Variants in ADPRHL1 observed in about 807,000 individuals in gnomAD.
ADPRHL1 encodes the protein ADP-ribosylhydrolase like 1.
In ADPRHL1, 43 loss-of-function variants were observed where a neutral mutation model predicts 44.1. The observed-to-expected ratio is 0.98, with a 90% CI of 0.76 to 1.26. ADPRHL1 has a LOEUF of 1.26. ADPRHL1 is among the 50% of genes most tolerant of loss of function. ADPRHL1 has a pLI of 0.00. For missense variants in ADPRHL1, 2,022 were observed against 2,496.9 expected (o/e 0.81, Z 4.05); for synonymous variants, 878 against 1,017.4 (o/e 0.86, Z 2.61).
chr13:113,412,701 C>A (rs1364826442), intron 7 of ADPRHL1, among the ~76,000 whole-genome samples: 1 of 151,206 alleles, frequency 6.6e-6, no homozygotes, highest in African/African-American at 2.4e-5. Flanking sequence ...CCACCGCCAA[C>A]AGTGCCCCGG....
chr13:113,407,862 G>A lies in ADPRHL1; in HGVS notation c.1420C>T (p.Leu474Phe), dbSNP rs964821941. The A allele has an allele frequency of 5.7e-6, 7 of 1,231,868 alleles. No homozygotes were observed. Among genetic ancestry groups the A allele is most frequent in the Non-Finnish European group, 7.1e-6 (7 of 988,024 alleles). The allele number at this position is 1,231,868 out of a possible 1,614,324, so 76.3% of individuals were successfully genotyped here. A position where few individuals can be genotyped will look rare whatever the true frequency, so the allele number is the denominator to read the frequency against. The change falls in exon 8 of 8, where the codon CTC becomes TTC. Residue 474 changes from leucine (L) to phenylalanine (F), a missense_variant. Physicochemically the swap from Leu to Phe is conservative, Grantham distance 22 (BLOSUM62 0). Transcript: ENST00000612156. ...GGLVGATINK[L>F]LEKTKEPAPK... ...GCCGGCTCCTTGGTCTTCTCCAGGA[G>A]CTTGTTGATGGTGGCACCCACGAGG...
At chr13:113,422,593 C>T (rs1001331278) in intron 7 of ADPRHL1, 5 of 588,556 alleles carry the variant, frequency 8.5e-6, no homozygotes, top group East Asian at 3.0e-5. Context: ...GGCAAATCTA[C>T]GCAGTGTCAA....
At chr13:113,419,558 C>T (rs1012163426) in intron 7 of ADPRHL1, among the ~76,000 whole-genome samples, 9 of 151,998 alleles carry the variant, frequency 5.9e-5, no homozygotes, top group Non-Finnish European at 7.4e-5. Context: ...AGCATCGCTG[C>T]GCTGTAGGGA....
At chr13:113,411,084 G>A (rs139591155) in intron 7 of ADPRHL1, among the ~76,000 whole-genome samples, 1 of 152,252 alleles carries the variant, frequency 6.6e-6, no homozygotes, top group Non-Finnish European at 1.5e-5. Context: ...CTGAATAAAG[G>A]CCACCAGGCT....
At chr13:113,451,985 C>A in intron 1 of ADPRHL1, among the ~76,000 whole-genome samples, 1 of 152,158 alleles carries the variant, frequency 6.6e-6, no homozygotes, top group East Asian at 1.9e-4. Flanking sequence ...TACAAAACGC[C>A]CACCAAGTGC....
chr13:113,411,026 G>A (rs1045282252), intron 7 of ADPRHL1, among the ~76,000 whole-genome samples: 1 of 152,168 alleles, frequency 6.6e-6, no homozygotes, highest in Non-Finnish European at 1.5e-5. Context: ...TGAGTCATTC[G>A]GATGACTGAA....
chr13:113,436,401 A>G (rs9796202), intron 2 of ADPRHL1, among the ~76,000 whole-genome samples: 5,452 of 7,906 alleles, frequency 0.69, 1,891 homozygotes, highest in Middle Eastern at 0.8. Context: ...CCCGGGACCC[A>G]GCACCCAGGT....
At chr13:113,411,136 G>A (rs928185014) in intron 7 of ADPRHL1, among the ~76,000 whole-genome samples, 6 of 152,108 alleles carry the variant, frequency 3.9e-5, no homozygotes, top group South Asian at 2.1e-4. Flanking sequence ...CACATCCCTC[G>A]CTGATGGCTT....
intron 2 of ADPRHL1, among the ~76,000 whole-genome samples, chr13:113,434,073 C>T (rs1002638342): frequency 5.9e-5 from 9 of 152,194 alleles, no homozygotes; most frequent in East Asian, 1.9e-4. Flanking sequence ...ATCCAAGTGT[C>T]GGGTGTTAGT....
In ADPRHL1 at chr13:113,405,970, G is replaced by C; in HGVS notation, c.3312C>G (p.Pro1104=). ...CCCCACAGGCTTTCATACCTGGTTT[G>C]GGTGGTTCATTTAATGAGGACAGTG... The part of the protein sequence containing the change: ...ENPLSSLNEP[P]KPGMKACGAM... The change falls in exon 8 of 8, where the codon CCC becomes CCG. Residue 1104 remains proline (P), a synonymous_variant. Coordinates refer to ENST00000612156, the MANE Select transcript of ADPRHL1 (RefSeq NM_001394807.1). 1.6e-6 allele frequency: 2 copies of C among 1,232,092 alleles called. No individual in the cohort carries two copies. Among genetic ancestry groups the C allele is most frequent in the Non-Finnish European group, 2.0e-6 (2 of 988,046 alleles). 76.3% of individuals were successfully genotyped at this position (1,232,092 alleles called of 1,614,324 possible).
chr13:113,410,800 G>A (rs1422627599), intron 7 of ADPRHL1, among the ~76,000 whole-genome samples: 1 of 152,216 alleles, frequency 6.6e-6, no homozygotes, highest in Non-Finnish European at 1.5e-5. Context: ...GACCAGCCTG[G>A]GGGCATTGTG....
chr13:113,424,996 C>T (rs2043957616), intron 5 of ADPRHL1, 56 bp downstream of exon 5: 1 of 1,604,990 alleles, frequency 6.2e-7, no homozygotes, highest in African/African-American at 1.3e-5. Flanking sequence ...TTGCTATGCA[C>T]TTATTGAGCA....
rs2043761794 is a variant in ADPRHL1 at position 113,401,530 on chromosome 13, G to A, written c.*1848C>T. ...CGCGAGGGGCACCCGGTGCTCAGGA[G>A]CCTCCACACACAGCAGCTCGCACTT... On this transcript the variant is annotated 3_prime_UTR_variant, in exon 8 of 8. Transcript: ENST00000612156. This position sits in a 1 kb window ranked among gnomAD's most constrained non-coding sequence, Gnocchi z 5.5. The A allele has an allele frequency of 6.6e-6, 1 of 152,292 alleles. No individual in the cohort carries two copies. The highest frequency in any genetic ancestry group is 2.4e-5 in the African/African-American group (1 of 41,430). The allele number at this position is 152,292 out of a possible 1,614,324, so 9.4% of individuals were successfully genotyped here.
At position 113,406,938 on chromosome 13, in the gene ADPRHL1, T is replaced by C. The variant is rs2043813468; in HGVS notation, c.2344A>G (p.Met782Val). ...TCATCCTCTGAACTGCAAACAGTCA[T>C]GGTGATTTCAGGGCCCTCCCCTGCA... is the stretch of plus-strand genomic sequence containing the variant. ...ECAGEGPEITMTVCSSEDERE... is the reference protein window; with the variant it reads ...ECAGEGPEITVTVCSSEDERE... The change falls in exon 8 of 8, where the codon ATG becomes GTG. Residue 782 changes from methionine (M) to valine (V), a missense_variant. Physicochemically the swap from Met to Val is conservative, Grantham distance 21. Coordinates refer to ENST00000612156, the MANE Select transcript of ADPRHL1 (RefSeq NM_001394807.1). 1 of 1,232,016 alleles carries C rather than the reference T, an allele frequency of 8.1e-7. No individual in the cohort carries two copies. Among genetic ancestry groups the C allele is most frequent in the Admixed American group, 4.2e-5 (1 of 23,700 alleles). 76.3% of individuals were successfully genotyped at this position (1,232,016 alleles called of 1,614,324 possible). A position where few individuals can be genotyped will look rare whatever the true frequency, so the allele number is the denominator to read the frequency against.
chr13:113,416,840 A>C (rs917979328), intron 7 of ADPRHL1, among the ~76,000 whole-genome samples: 1 of 152,210 alleles, frequency 6.6e-6, no homozygotes, highest in Non-Finnish European at 1.5e-5. Flanking sequence ...TGGTGAGAGG[A>C]TATAGGGTCG....
chr13:113,450,949 G>C (rs1407772899), intron 1 of ADPRHL1, among the ~76,000 whole-genome samples: 2 of 138,422 alleles, frequency 1.4e-5, no homozygotes, highest in Non-Finnish European at 3.0e-5. Flanking sequence ...TGGGGAAAGG[G>C]AGACCCCCCC....
At chr13:113,414,606 C>G (rs1373227753) in intron 7 of ADPRHL1, among the ~76,000 whole-genome samples, 3 of 151,924 alleles carry the variant, frequency 2.0e-5, no homozygotes, top group Non-Finnish European at 1.5e-5. Flanking sequence ...TGCCAATGCT[C>G]CTCTTCCAGG....
intron 1 of ADPRHL1, among the ~76,000 whole-genome samples, chr13:113,447,693 G>A (rs2044152330): frequency 6.6e-6 from 1 of 152,214 alleles, no homozygotes; most frequent in South Asian, 2.1e-4. Context: ...GAGAGAATGT[G>A]GCAAGACTGT....
At chr13:113,417,868 C>A (rs916966088) in intron 7 of ADPRHL1, among the ~76,000 whole-genome samples, 2 of 152,194 alleles carry the variant, frequency 1.3e-5, no homozygotes, top group African/African-American at 2.4e-5. Context: ...CCTAATGGGA[C>A]CTTTGGAATG....
Sources: allele counts gnomAD v4.1 joint callset (sites outside exome capture counted in the v4.1 genomes callset), GRCh38; gene constraint gnomAD v4.1.1; non-coding constraint Gnocchi (gnomAD v3.1); transcripts MANE v1.5; gene names NCBI Gene and HGNC (gene_info 2026-07-23, HGNC 2026-07-21).